Variants in PACSIN1 observed in about 807,000 individuals in gnomAD.
The protein encoded by PACSIN1 is protein kinase C and casein kinase substrate in neurons 1, also known as protein kinase C and casein kinase substrate in neurons protein 1.
PACSIN1 carries 15 observed loss-of-function variants against 59.5 expected under a neutral mutation model. The ratio of observed to expected loss-of-function variants is 0.25; its 90% CI spans 0.17 to 0.39. The LOEUF (loss-of-function observed/expected upper bound fraction) is 0.39, where lower values mean the gene tolerates loss of function less well. PACSIN1 is among the 10% of genes least tolerant of loss of function. PACSIN1 has a pLI of 1.00. For synonymous variants in PACSIN1, 210 were observed against 220.6 expected, an observed-to-expected ratio of 0.95 and a Z score of 0.42; for missense variants, 420 against 580.2, an observed-to-expected ratio of 0.72 and a Z score of 2.84.
chr6:34,473,175 T>A (rs1766595153), intron 1 of PACSIN1, among the ~76,000 whole-genome samples: 1 of 133,226 alleles, frequency 7.5e-6, no homozygotes, highest in Admixed American at 9.4e-5. Context: ...GGTTGTCTTC[T>A]GCAGAAGGCA....
chr6:34,531,724 G>A lies in PACSIN1; in HGVS notation c.1162G>A (p.Val388Met). 6.2e-7 allele frequency: 1 copy of A among 1,607,494 alleles called. No homozygotes were observed. Among genetic ancestry groups the A allele is most frequent in the African/African-American group, 1.3e-5 (1 of 74,672 alleles). ...ANPFEDDSKG[V>M]RVRALYDYDG... is the part of the protein sequence containing the mutation. ...CCCCTTTGAGGACGACTCCAAGGGA[G>A]TGCGCGTGCGGGCACTCTACGACTA... The change falls in exon 9 of 10, where the codon GTG (valine) becomes ATG (methionine). Residue 388 changes from valine to methionine, a missense_variant. By Grantham distance (21) the Val-to-Met change is conservative (BLOSUM62 1). Coordinates refer to ENST00000244458, the MANE Select transcript of PACSIN1 (RefSeq NM_020804.5). The surrounding 1 kb of genome is among the most constrained non-coding windows in gnomAD (Gnocchi z 4.4).
intron 1 of PACSIN1, among the ~76,000 whole-genome samples, chr6:34,513,915 C>G (rs982848560): frequency 2.6e-5 from 4 of 152,162 alleles, no homozygotes; most frequent in Non-Finnish European, 5.9e-5. Flanking sequence ...ATCCCTGAAC[C>G]CTGCTCATGA....
chr6:34,471,741 G>A (rs1766573159), intron 1 of PACSIN1, among the ~76,000 whole-genome samples: 1 of 152,164 alleles, frequency 6.6e-6, no homozygotes, highest in Non-Finnish European at 1.5e-5. Context: ...CACTTTTTGG[G>A]ACTTATTCCA....
In PACSIN1 at chr6:34,531,084, C is replaced by T. The variant is rs1049240711; in HGVS notation, c.1037+497C>T. 2.0e-5 allele frequency among the ~76,000 whole-genome samples: 3 copies of T among 152,226 alleles called. No homozygotes were observed. The highest frequency in any genetic ancestry group is 1.9e-4 in the East Asian group (1 of 5,198). On this transcript the variant is annotated intron_variant, in intron 8 of 9. Transcript: ENST00000244458. The surrounding 1 kb of genome is among the most constrained non-coding windows in gnomAD (Gnocchi z 4.4). ...CCGGTCCAGATCACAGGAACCAAGC[C>T]TCCTCTCTAAAAGATAGTGGTAGCA...
chr6:34,485,760 A>C (rs979952054), intron 1 of PACSIN1, among the ~76,000 whole-genome samples: 1 of 152,104 alleles, frequency 6.6e-6, no homozygotes, highest in Non-Finnish European at 1.5e-5. Context: ...ACCCAGGGAG[A>C]AGGAGTTGTG....
rs1561972772 is a variant in PACSIN1 at position 34,531,794 on chromosome 6, C to A, written c.1225+7C>A. The A allele has an allele frequency of 6.4e-7, 1 of 1,552,778 alleles. No homozygotes were observed. On this transcript the variant is annotated splice_region_variant and intron_variant, in intron 9 of 9. Coordinates refer to ENST00000244458, the MANE Select transcript of PACSIN1 (RefSeq NM_020804.5). The surrounding 1 kb of genome is among the most constrained non-coding windows in gnomAD (Gnocchi z 4.4). ...GAGCTCAGCTTTAAGGCCGGTAGGA[C>A]GGCTGGGCGGGGCAGTGCCTGAGAG...
intron 1 of PACSIN1, among the ~76,000 whole-genome samples, chr6:34,501,920 T>A (rs1000204051): frequency 6.7e-6 from 1 of 150,368 alleles, no homozygotes; most frequent in African/African-American, 2.5e-5. Flanking sequence ...TAATCCCAGC[T>A]ATTCGGGAGG....
chr6:34,502,621 A>G (rs1362937238), intron 1 of PACSIN1, among the ~76,000 whole-genome samples: 1 of 151,546 alleles, frequency 6.6e-6, no homozygotes, highest in Admixed American at 6.6e-5. Flanking sequence ...GCCCACCATG[A>G]CACCCCGCTA....
At chr6:34,517,954 G>A (rs1767322220) in intron 1 of PACSIN1, among the ~76,000 whole-genome samples, 1 of 152,186 alleles carries the variant, frequency 6.6e-6, no homozygotes, top group Non-Finnish European at 1.5e-5. Context: ...TCTCCCTCGG[G>A]GGCTGGCTCA....
intron 1 of PACSIN1, among the ~76,000 whole-genome samples, chr6:34,522,632 CAT>C (rs942074528): frequency 5.1e-4 from 77 of 152,294 alleles, no homozygotes; most frequent in Middle Eastern, 3.4e-3. Flanking sequence ...GGAGCTGACT[CAT>C]GTGATTGTGA....
At chr6:34,495,419 A>G (rs927947120) in intron 1 of PACSIN1, among the ~76,000 whole-genome samples, 1 of 152,122 alleles carries the variant, frequency 6.6e-6, no homozygotes, top group African/African-American at 2.4e-5. Flanking sequence ...AGATCAGCAG[A>G]ATCAGAATCT....
intron 4 of PACSIN1, 30 bp downstream of exon 4, chr6:34,528,907 T>TGGGGGGGGGCCCGGGGGGGGGGG: frequency 8.0e-6 from 2 of 250,434 alleles, no homozygotes; most frequent in Non-Finnish European, 7.9e-6. Flanking sequence ...ACGGGCGGGG[T>TGGGGGGGGGCCCGGGGGGGGGGG]GGGGTGGGCC....
rs769598563 is a variant in PACSIN1 at position 34,528,816 on chromosome 6, C to A, written c.395C>A (p.Thr132Lys). 6.2e-7 allele frequency: 1 copy of A among 1,610,036 alleles called. No homozygotes were observed. The highest frequency in any genetic ancestry group is 8.5e-7 in the Non-Finnish European group (1 of 1,179,342). The change falls in exon 4 of 10, where the codon ACG becomes AAG. Residue 132 changes from threonine (T) to lysine (K), a missense_variant. Physicochemically the swap from Thr to Lys is moderately conservative, Grantham distance 78. Transcript: ENST00000244458. ...HKQIMGGFKE[T>K]KEAEDGFRKA... ...CAGATCATGGGTGGCTTCAAGGAGA[C>A]GAAGGAGGCTGAAGATGGCTTCCGC...
At chr6:34,528,565 C>T (rs749742884) in intron 3 of PACSIN1, 77 bp from the exon 4 acceptor site, 86 of 1,063,144 alleles carry the variant, frequency 8.1e-5, no homozygotes, top group Non-Finnish European at 1.1e-4. Flanking sequence ...AAGGGAAAGC[C>T]TCAGAGAAGG....
At chr6:34,511,617 ACCCCACATGCTTAGCCACCTAC>A (rs1767204713) in intron 1 of PACSIN1, among the ~76,000 whole-genome samples, 6 of 151,110 alleles carry the variant, frequency 4.0e-5, no homozygotes, top group Non-Finnish European at 5.9e-5. Context: ...CCAAGTACCC[ACCCCACATGCTTAGCCACCTAC>A]ACAGAATCCC....
rs1767468143 is a variant in PACSIN1, at chr6:34,525,657, G to A, written c.-63-586G>A. On this transcript the variant is annotated intron_variant, in intron 1 of 9. Coordinates refer to ENST00000244458, the MANE Select transcript of PACSIN1 (RefSeq NM_020804.5). This position sits in a 1 kb window ranked among gnomAD's most constrained non-coding sequence, Gnocchi z 4.9. ...GGGGTAACAGTGAGGCCTGGCTGGG[G>A]GAAGGGAGGAGGGGAGTACCCACCT... is the stretch of plus-strand genomic sequence containing the variant. Among the ~76,000 whole-genome samples, 1 of 152,202 alleles carries A rather than the reference G, an allele frequency of 6.6e-6. No homozygotes were observed. The highest frequency in any genetic ancestry group is 2.4e-5 in the African/African-American group (1 of 41,442).
At chr6:34,491,857 C>A (rs1766882492) in intron 1 of PACSIN1, among the ~76,000 whole-genome samples, 1 of 152,058 alleles carries the variant, frequency 6.6e-6, no homozygotes. Flanking sequence ...GGTGATCCAC[C>A]CGCCTCAGCC....
chr6:34,504,834 C>T (rs907695429), intron 1 of PACSIN1, among the ~76,000 whole-genome samples: 2 of 151,956 alleles, frequency 1.3e-5, no homozygotes, highest in Admixed American at 1.3e-4. Flanking sequence ...CTTGATTTTC[C>T]TTCATTCTTG....
In PACSIN1 at chr6:34,532,675, A is replaced by G. The variant is rs1381047542; in HGVS notation, c.*145A>G. 1.6e-6 allele frequency: 1 copy of G among 622,298 alleles called. No individual in the cohort carries two copies. Among genetic ancestry groups the G allele is most frequent in the Non-Finnish European group, 2.9e-6 (1 of 349,182 alleles). 38.5% of individuals were successfully genotyped at this position (622,298 alleles called of 1,614,324 possible). A position where few individuals can be genotyped will look rare whatever the true frequency, so the allele number is the denominator to read the frequency against. On this transcript the variant is annotated 3_prime_UTR_variant, in exon 10 of 10. Transcript: ENST00000244458. The surrounding 1 kb of genome is among the most constrained non-coding windows in gnomAD (Gnocchi z 5.2). ...TTTAAAAGTCAAAACAGAACAAAACAAAGTATGCAGAGACAGAGCATTTGC... is the reference window on the plus strand; with the variant it reads ...TTTAAAAGTCAAAACAGAACAAAACGAAGTATGCAGAGACAGAGCATTTGC...
Sources: gnomAD v4.1 joint callset for allele counts (sites outside exome capture counted in the v4.1 genomes callset) on GRCh38, gnomAD v4.1.1 for gene constraint, Gnocchi (gnomAD v3.1) non-coding constraint, MANE v1.5 for transcripts, NCBI Gene and HGNC (gene_info 2026-07-23, HGNC 2026-07-21) for gene names.